Variants in RGS7BP observed in about 807,000 individuals in gnomAD.
RGS7BP encodes regulator of G protein signaling 7-binding protein.
Under a neutral mutation model 31.3 loss-of-function variants are expected in RGS7BP, and 9 were observed. The ratio of observed to expected loss-of-function variants is 0.29; its 90% CI spans 0.17 to 0.50. The LOEUF (loss-of-function observed/expected upper bound fraction) is 0.50. Ranked by LOEUF, RGS7BP falls within the 20% of genes least tolerant of loss-of-function variation. The pLI, the probability that RGS7BP is intolerant of heterozygous loss-of-function variation, is 0.98. For missense variants in RGS7BP, 274 were observed against 322.0 expected, an observed-to-expected ratio of 0.85 and a Z score of 1.14; for synonymous variants, 115 against 120.1, an observed-to-expected ratio of 0.96 and a Z score of 0.28.
intron 2 of RGS7BP, among the ~76,000 whole-genome samples, chr5:64,547,230 T>C (rs983463315): frequency 2.6e-5 from 4 of 152,234 alleles, no homozygotes; most frequent in Admixed American, 2.0e-4. Context: ...ACAAAGATTT[T>C]CAGTTCTCTT....
At chr5:64,569,704 A>C (rs116776305) in intron 2 of RGS7BP, among the ~76,000 whole-genome samples, 6,069 of 152,266 alleles carry the variant, frequency 0.04, 411 homozygotes, top group African/African-American at 0.14. Flanking sequence ...TGAAGCTGTC[A>C]CTGAGGTTGG....
intron 2 of RGS7BP, among the ~76,000 whole-genome samples, chr5:64,541,461 G>A (rs532046998): frequency 6.6e-6 from 1 of 152,300 alleles, no homozygotes; most frequent in South Asian, 2.1e-4. Context: ...GCTGTAGGTG[G>A]TGAGCTCACG....
Position 64,575,891 on chromosome 5 carries a change from G to T in RGS7BP, c.450G>T (p.Gln150His). The T allele has an allele frequency of 6.2e-7, 1 of 1,609,076 alleles. No homozygotes were observed. The highest frequency in any genetic ancestry group is 8.5e-7 in the Non-Finnish European group (1 of 1,178,254). The change falls in exon 3 of 6, where the codon CAG (glutamine) becomes CAT (histidine). Residue 150 changes from glutamine to histidine, a missense_variant. Coordinates refer to ENST00000334025, the MANE Select transcript of RGS7BP (RefSeq NM_001029875.3). Reference sequence around the variant, plus strand: ...CCATATGTCTGCTGGGGTCTCTTCAGTTTCATCGAAAAGGTATCTACATTT... The same window carrying T: ...CCATATGTCTGCTGGGGTCTCTTCATTTTCATCGAAAAGGTATCTACATTT... ...LKSICLLGSL[Q>H]FHRKGKEPGG...
chr5:64,506,339 G>A lies in RGS7BP; in HGVS notation c.-286G>A, dbSNP rs967794840. ...GCCGAGAGGAAGGCAGTGCGAGCCC[G>A]CGCCAGCGCCCAGCTCCCGGGACAG... On this transcript the variant is annotated 5_prime_UTR_variant, in exon 1 of 6. Transcript: ENST00000334025. This position sits in a 1 kb window ranked among gnomAD's most constrained non-coding sequence, Gnocchi z 4.6. 6 of 313,380 alleles carry A rather than the reference G, an allele frequency of 1.9e-5. No individual in the cohort carries two copies. The highest frequency in any genetic ancestry group is 1.1e-4 in the African/African-American group (5 of 46,542). The allele number at this position is 313,380 out of a possible 1,614,324, so 19.4% of individuals were successfully genotyped here.
At chr5:64,593,564 T>A (rs921159440) in intron 3 of RGS7BP, among the ~76,000 whole-genome samples, 4 of 152,128 alleles carry the variant, frequency 2.6e-5, no homozygotes, top group Non-Finnish European at 4.4e-5. Flanking sequence ...TAAAACTGGA[T>A]AAAGGAGGCA....
intron 3 of RGS7BP, among the ~76,000 whole-genome samples, chr5:64,576,583 C>A (rs1483905652): frequency 6.6e-6 from 1 of 152,216 alleles, no homozygotes; most frequent in African/African-American, 2.4e-5. Flanking sequence ...GAACTTCTCC[C>A]AGCTACGGAG....
intron 2 of RGS7BP, among the ~76,000 whole-genome samples, chr5:64,533,535 C>T (rs866424807): frequency 2.6e-5 from 4 of 152,150 alleles, no homozygotes; most frequent in African/African-American, 9.7e-5. Flanking sequence ...GGGGTGGGAT[C>T]GAAGCCCTGC....
Position 64,572,251 on chromosome 5 carries a change from C to T in RGS7BP, c.333-3523C>T, listed in dbSNP as rs546718835. Among the ~76,000 whole-genome samples the T allele has an allele frequency of 3.9e-5, 6 of 152,244 alleles. No homozygotes were observed. In the East Asian group the frequency reaches 1.2e-3, roughly 29 times the overall value. On this transcript the variant is annotated intron_variant, in intron 2 of 5. Transcript: ENST00000334025. ...TTAAATTGCTGTTTTCTTAGCTCTT[C>T]TTTCATTCTCCATGTTTCAGCTCTT...
At chr5:64,512,207 CAA>C (rs1748856029) in intron 2 of RGS7BP, among the ~76,000 whole-genome samples, 1 of 152,150 alleles carries the variant, frequency 6.6e-6, no homozygotes, top group African/African-American at 2.4e-5. Context: ...TAATGGCTCT[CAA>C]GAGAATCTAA....
intron 2 of RGS7BP, among the ~76,000 whole-genome samples, chr5:64,547,526 T>G (rs1029813703): frequency 4.6e-5 from 7 of 152,220 alleles, no homozygotes; most frequent in African/African-American, 1.4e-4. Context: ...CATCATTGGC[T>G]ACCACCTTTC....
In RGS7BP at chr5:64,575,883, T is replaced by G; in HGVS notation, c.442T>G (p.Ser148Ala). 1 of 1,611,168 alleles carries G rather than the reference T, an allele frequency of 6.2e-7. No individual in the cohort carries two copies. The change falls in exon 3 of 6, where the codon TCT becomes GCT. Residue 148 changes from serine to alanine, a missense_variant. Ser to Ala is a moderately conservative substitution (Grantham distance 99). This residue lies in a region of RGS7BP where 112 missense variants were observed against 130.9 expected (regional missense o/e 0.86). Transcript: ENST00000334025. ...EMLKSICLLG[S>A]LQFHRKGKEP... ...GCTAAAATCCATATGTCTGCTGGGG[T>G]CTCTTCAGTTTCATCGAAAAGGTAT...
intron 2 of RGS7BP, among the ~76,000 whole-genome samples, chr5:64,558,230 G>A (rs572976128): frequency 2.0e-4 from 30 of 152,202 alleles, no homozygotes; most frequent in African/African-American, 6.0e-4. Context: ...TTCTCTCCAC[G>A]TGTTGTCTTG....
chr5:64,517,986 T>C (rs1459282798), intron 2 of RGS7BP, among the ~76,000 whole-genome samples: 1 of 152,108 alleles, frequency 6.6e-6, no homozygotes, highest in Admixed American at 6.5e-5. Flanking sequence ...TAAACTGTTA[T>C]GAATAAAAGG....
Position 64,524,531 on chromosome 5 carries a change from T to C in RGS7BP, c.332+16654T>C, listed in dbSNP as rs1404093840. Among the ~76,000 whole-genome samples, 10 of 152,286 alleles carry C rather than the reference T, an allele frequency of 6.6e-5. No homozygotes were observed. The East Asian group carries it at 1.7e-3, about 26-fold the overall frequency. ...CTGAGATTTCTATGAAAATTTAATT[T>C]TTTCCTCTATAATTTCTTCTAATTA... On this transcript the variant is annotated intron_variant, in intron 2 of 5. Coordinates refer to ENST00000334025, the MANE Select transcript of RGS7BP (RefSeq NM_001029875.3).
intron 5 of RGS7BP, chr5:64,601,363 C>A: frequency 1.6e-6 from 1 of 610,762 alleles, no homozygotes; most frequent in Non-Finnish European, 2.0e-6. Context: ...TTTATTTCAG[C>A]ATTTAAAGAC....
chr5:64,536,249 G>C (rs1384634786), intron 2 of RGS7BP, among the ~76,000 whole-genome samples: 1 of 152,210 alleles, frequency 6.6e-6, no homozygotes, highest in Non-Finnish European at 1.5e-5. Flanking sequence ...TCTGATTTCT[G>C]TAGACAAACT....
chr5:64,513,108 A>G (rs1265766566), intron 2 of RGS7BP, among the ~76,000 whole-genome samples: 1 of 152,242 alleles, frequency 6.6e-6, no homozygotes, highest in Non-Finnish European at 1.5e-5. Flanking sequence ...ATGAAAAAAT[A>G]AATATCATGC....
At chr5:64,534,259 T>A (rs1749449226) in intron 2 of RGS7BP, among the ~76,000 whole-genome samples, 1 of 151,734 alleles carries the variant, frequency 6.6e-6, no homozygotes, top group Non-Finnish European at 1.5e-5. Context: ...GACTGGAGTG[T>A]GGTGAGAGGC....
chr5:64,574,938 T>A (rs1230851273), intron 2 of RGS7BP, among the ~76,000 whole-genome samples: 5 of 152,216 alleles, frequency 3.3e-5, no homozygotes, highest in Admixed American at 6.5e-5. Flanking sequence ...ATTTCTAATC[T>A]ATCTCTAAAC....
Sources: allele counts gnomAD v4.1 joint callset (sites outside exome capture counted in the v4.1 genomes callset), GRCh38; gene constraint gnomAD v4.1.1; regional missense constraint gnomAD v4.1.1; non-coding constraint Gnocchi (gnomAD v3.1); transcripts MANE v1.5; gene names NCBI Gene and HGNC (gene_info 2026-07-23, HGNC 2026-07-21).